FOXN3: variants seen among roughly 807,000 people sequenced by gnomAD.
FOXN3 encodes forkhead box protein N3.
A neutral mutation model predicts 38.4 loss-of-function variants in FOXN3; 7 were observed. The ratio of observed to expected loss-of-function variants is 0.18; its 90% CI spans 0.10 to 0.34. The LOEUF (loss-of-function observed/expected upper bound fraction) is 0.34, where lower values mean the gene tolerates loss of function less well. Ranked by LOEUF, FOXN3 falls within the 10% of genes least tolerant of loss-of-function variation. FOXN3 has a pLI of 1.00. For synonymous variants in FOXN3, 230 were observed against 242.2 expected, an observed-to-expected ratio of 0.95 and a Z score of 0.47; for missense variants, 456 against 613.4, an observed-to-expected ratio of 0.74 and a Z score of 2.71.
chr14:89,246,492 G>A (rs1487275796), intron 4 of FOXN3, among the ~76,000 whole-genome samples: 3 of 144,056 alleles, frequency 2.1e-5, no homozygotes, highest in Non-Finnish European at 3.0e-5. Flanking sequence ...CTGAGTGCCC[G>A]CCCCACCCAG....
chr14:89,329,885 A>G (rs1016581219), intron 3 of FOXN3, among the ~76,000 whole-genome samples: 35 of 141,780 alleles, frequency 2.5e-4, no homozygotes, highest in African/African-American at 9.0e-4. Context: ...AAAAAAAAAA[A>G]AAGAATTATC....
intron 1 of FOXN3, among the ~76,000 whole-genome samples, chr14:89,475,294 T>C (rs1277512879): frequency 6.6e-6 from 1 of 152,184 alleles, no homozygotes; most frequent in Non-Finnish European, 1.5e-5. Flanking sequence ...GTTACATTCA[T>C]GTAAAGAAAT....
chr14:89,497,999 A>G (rs567577066), intron 1 of FOXN3, among the ~76,000 whole-genome samples: 2 of 152,172 alleles, frequency 1.3e-5, no homozygotes, highest in South Asian at 2.1e-4. Flanking sequence ...TTTCTCCCCA[A>G]TGATTAGTGA....
intron 1 of FOXN3, among the ~76,000 whole-genome samples, chr14:89,425,433 T>C (rs1198852942): frequency 6.6e-6 from 1 of 151,804 alleles, no homozygotes; most frequent in Admixed American, 6.6e-5. Flanking sequence ...AATGGCTCAA[T>C]CTCGGCTCAC....
At chr14:89,503,323 C>G (rs530163086) in intron 1 of FOXN3, among the ~76,000 whole-genome samples, 1 of 151,786 alleles carries the variant, frequency 6.6e-6, no homozygotes, top group African/African-American at 2.4e-5. Flanking sequence ...AAAAAAAAAC[C>G]CATACAGCTG....
intron 1 of FOXN3, among the ~76,000 whole-genome samples, chr14:89,504,850 A>G (rs1048858952): frequency 2.0e-5 from 3 of 152,120 alleles, no homozygotes; most frequent in African/African-American, 7.2e-5. Context: ...CCCCAACCCC[A>G]GTTAGTCCTG....
At chr14:89,334,705 G>A in intron 3 of FOXN3, among the ~76,000 whole-genome samples, 1 of 151,924 alleles carries the variant, frequency 6.6e-6, no homozygotes, top group East Asian at 1.9e-4. Context: ...CTTTAAATTT[G>A]CTAATAAAAG....
chr14:89,290,198 G>T (rs1886825364), intron 3 of FOXN3: 3 of 244,728 alleles, frequency 1.2e-5, no homozygotes, highest in Non-Finnish European at 2.5e-5. Flanking sequence ...CAGGTGAGGG[G>T]GTTCACTGAC....
chr14:89,163,066 C>T lies in FOXN3; in HGVS notation c.852-97G>A, dbSNP rs990448447. On this transcript the variant is annotated intron_variant, in intron 5 of 5. Coordinates refer to ENST00000557258, the MANE Select transcript of FOXN3 (RefSeq NM_005197.4). The surrounding 1 kb of genome is among the most constrained non-coding windows in gnomAD (Gnocchi z 4.3). ...CACCCGGCAGCCCGCCTGCATTCAA[C>T]CATCAGTCCCTTTGTGTTCAATGGA... 4.3e-6 allele frequency: 5 copies of T among 1,165,696 alleles called. No homozygotes were observed. Among genetic ancestry groups the T allele is most frequent in the African/African-American group, 1.5e-5 (1 of 64,632 alleles). 72.2% of individuals were successfully genotyped at this position (1,165,696 alleles called of 1,614,324 possible).
chr14:89,425,052 GTTTTC>G (rs1277611430), intron 1 of FOXN3, among the ~76,000 whole-genome samples: 51 of 115,976 alleles, frequency 4.4e-4, no homozygotes, highest in African/African-American at 1.6e-3. Flanking sequence ...GTTTTGTTTT[GTTTTC>G]TTTTCTTTTT....
chr14:89,498,230 T>TC (rs1209995948), intron 1 of FOXN3, among the ~76,000 whole-genome samples: 1 of 122,324 alleles, frequency 8.2e-6, no homozygotes, highest in Non-Finnish European at 1.8e-5. Context: ...TTTTTTTTTT[T>TC]TTTTGAGATG....
chr14:89,387,382 G>C (rs1397923096), intron 2 of FOXN3, among the ~76,000 whole-genome samples: 3 of 152,150 alleles, frequency 2.0e-5, no homozygotes, highest in Non-Finnish European at 4.4e-5. Flanking sequence ...CTATATTCCA[G>C]GAGTTGTATT....
At chr14:89,400,148 T>A (rs1285764054) in intron 2 of FOXN3, 2 of 152,172 alleles carry the variant, frequency 1.3e-5, no homozygotes, top group African/African-American at 4.8e-5. Context: ...TAGAGGTAAG[T>A]TATTGCTGAA....
chr14:89,533,321 G>A (rs1184432272), intron 1 of FOXN3, among the ~76,000 whole-genome samples: 1 of 152,128 alleles, frequency 6.6e-6, no homozygotes, highest in African/African-American at 2.4e-5. Flanking sequence ...CCTCTCAAAA[G>A]CGCAATCCAG....
At chr14:89,390,454 G>C (rs146531106) in intron 2 of FOXN3, among the ~76,000 whole-genome samples, 115 of 144,214 alleles carry the variant, frequency 8.0e-4, no homozygotes, top group African/African-American at 2.9e-3. Context: ...TTTCAATCAG[G>C]AGACTATGTT....
In FOXN3 at chr14:89,413,951, A is replaced by AGGAGGAGGAGGGAT. The variant is rs1202403709; in HGVS notation, c.-14-1475_-14-1462dup. ...AAGCGGGAGGGGGAGGAGAAGGGGG[A>AGGAGGAGGAGGGAT]GGAGGAGGAGGGATGGAGGAGGAGG... On this transcript the variant is annotated intron_variant, in intron 1 of 5. Coordinates refer to ENST00000557258, the MANE Select transcript of FOXN3 (RefSeq NM_005197.4). Among the ~76,000 whole-genome samples, 3 of 86,236 alleles carry AGGAGGAGGAGGGAT rather than the reference A, an allele frequency of 3.5e-5. No homozygotes were observed. In the East Asian group the frequency reaches 1.1e-3, roughly 33 times the overall value. The allele number at this position is 86,236 out of a possible 152,430, so 56.6% of individuals were successfully genotyped here.
At chr14:89,363,314 C>T (rs1889953051) in intron 2 of FOXN3, among the ~76,000 whole-genome samples, 1 of 152,202 alleles carries the variant, frequency 6.6e-6, no homozygotes, top group South Asian at 2.1e-4. Context: ...GTCCAAGTTC[C>T]CAGGGTCATG....
chr14:89,287,749 TAAAAAAAA>T (rs58930677), intron 3 of FOXN3, among the ~76,000 whole-genome samples: 1 of 129,704 alleles, frequency 7.7e-6, no homozygotes, highest in Admixed American at 7.7e-5. Context: ...TAAAGAATGC[TAAAAAAAA>T]AAAAAAAAAA....
At chr14:89,247,136 A>ATCCATCCC (rs1479789665) in intron 4 of FOXN3, among the ~76,000 whole-genome samples, 11 of 152,150 alleles carry the variant, frequency 7.2e-5, no homozygotes, top group African/African-American at 2.4e-4. Flanking sequence ...CCATTCATCC[A>ATCCATCCC]TCCATCCCTC....
Sources: allele counts gnomAD v4.1 joint callset (sites outside exome capture counted in the v4.1 genomes callset), GRCh38; gene constraint gnomAD v4.1.1; non-coding constraint Gnocchi (gnomAD v3.1); transcripts MANE v1.5; gene names NCBI Gene and HGNC (gene_info 2026-07-23, HGNC 2026-07-21).